HERC4: variants seen among roughly 807,000 people sequenced by gnomAD.
HERC4 encodes HECT and RLD domain containing E3 ubiquitin protein ligase 4.
HERC4 carries 28 observed loss-of-function variants against 124.3 expected under a neutral mutation model. The observed-to-expected ratio is 0.23, with a 90% CI of 0.17 to 0.31. The LOEUF (loss-of-function observed/expected upper bound fraction) is 0.31. Among genes scored for constraint, HERC4 ranks in the 10% least tolerant of loss-of-function variants. The pLI is 1.00. For missense variants in HERC4, 713 were observed against 1,229.3 expected, an observed-to-expected ratio of 0.58 and a Z score of 6.28; for synonymous variants, 407 against 421.5, an observed-to-expected ratio of 0.97 and a Z score of 0.42.
rs367582019 is a variant in HERC4, at chr10:67,992,177, T to G, written c.1271+22A>C. 3.7e-6 allele frequency: 6 copies of G among 1,610,778 alleles called. No individual in the cohort carries two copies. In the South Asian group the frequency reaches 5.5e-5, roughly 15 times the overall value. ...GATTACAGGCATGAGCCACTGTGCC[T>G]GGCCCAAAATGCTTTTCTTACTTGG... On this transcript the variant is annotated intron_variant, in intron 11 of 24. Coordinates refer to ENST00000373700, the MANE Select transcript of HERC4 (RefSeq NM_015601.4).
intron 15 of HERC4, among the ~76,000 whole-genome samples, chr10:67,980,235 A>T (rs2035847387): frequency 1.3e-5 from 2 of 152,134 alleles, no homozygotes; most frequent in South Asian, 4.1e-4. Flanking sequence ...CGGTACTGGC[A>T]TGATTCTCCT....
At chr10:67,973,509 T>C (rs561412438) in intron 15 of HERC4, among the ~76,000 whole-genome samples, 2 of 152,358 alleles carry the variant, frequency 1.3e-5, no homozygotes, top group African/African-American at 4.8e-5. Context: ...CAAAAGTTGA[T>C]ACATGGGGAA....
intron 9 of HERC4, among the ~76,000 whole-genome samples, chr10:68,000,921 T>C (rs971617537): frequency 2.6e-5 from 4 of 152,184 alleles, no homozygotes; most frequent in African/African-American, 9.7e-5. Flanking sequence ...ATTTGTATTG[T>C]TCAAGCCACC....
intron 9 of HERC4, 118 bp downstream of exon 9, chr10:68,013,908 C>T: frequency 6.3e-6 from 5 of 789,458 alleles, no homozygotes; most frequent in South Asian, 6.2e-5. Flanking sequence ...CTATATTTTG[C>T]TGTTTTCACT....
At chr10:68,030,031 C>A (rs544347008) in intron 7 of HERC4, among the ~76,000 whole-genome samples, 1 of 152,078 alleles carries the variant, frequency 6.6e-6, no homozygotes, top group East Asian at 1.9e-4. Context: ...AGCCACTGTG[C>A]CCAGCCATAA....
At chr10:68,019,891 T>C (rs1355284494) in intron 8 of HERC4, among the ~76,000 whole-genome samples, 1 of 152,212 alleles carries the variant, frequency 6.6e-6, no homozygotes, top group African/African-American at 2.4e-5. Flanking sequence ...CAATCACTGT[T>C]GTATACTCTC....
At chr10:67,959,730 T>C (rs535280201) in intron 16 of HERC4, among the ~76,000 whole-genome samples, 2 of 152,148 alleles carry the variant, frequency 1.3e-5, no homozygotes, top group East Asian at 1.9e-4. Flanking sequence ...GAAAAAGGGT[T>C]GGTAAGCAAA....
chr10:67,945,821 T>TA (rs1268982043), intron 19 of HERC4, among the ~76,000 whole-genome samples: 1 of 149,588 alleles, frequency 6.7e-6, no homozygotes, highest in Non-Finnish European at 1.5e-5. Flanking sequence ...TCAAAAAACA[T>TA]ACGACAGATA....
At chr10:68,032,507 T>G (rs886774731) in intron 7 of HERC4, among the ~76,000 whole-genome samples, 7 of 152,212 alleles carry the variant, frequency 4.6e-5, no homozygotes, top group Admixed American at 2.0e-4. Context: ...AGTATGACCT[T>G]AAGCAGTATT....
chr10:67,947,993 C>T (rs2033511894), intron 19 of HERC4, among the ~76,000 whole-genome samples: 1 of 128,986 alleles, frequency 7.8e-6, no homozygotes, highest in East Asian at 5.1e-4. Flanking sequence ...CCAGTCTAAA[C>T]AATACACTCT....
chr10:68,069,111 T>A, intron 3 of HERC4: 10 of 978,186 alleles, frequency 1.0e-5, no homozygotes, highest in Non-Finnish European at 1.2e-5. Flanking sequence ...ATAACCATGG[T>A]CACCAAATTA....
intron 15 of HERC4, among the ~76,000 whole-genome samples, chr10:67,979,274 A>C (rs986520649): frequency 2.6e-5 from 4 of 152,162 alleles, no homozygotes; most frequent in African/African-American, 9.7e-5. Flanking sequence ...AAATTTAACA[A>C]AGAGACTGAA....
intron 10 of HERC4, 46 bp from the exon 11 acceptor site, chr10:67,992,369 T>TAA: frequency 6.3e-7 from 1 of 1,588,080 alleles, no homozygotes; most frequent in African/African-American, 1.4e-5. Flanking sequence ...ATATTATATA[T>TAA]AACTCAAAAA....
chr10:67,979,960 G>A (rs1027329284), intron 15 of HERC4, among the ~76,000 whole-genome samples: 2 of 151,744 alleles, frequency 1.3e-5, no homozygotes, highest in Admixed American at 6.6e-5. Flanking sequence ...AAAAAAACCT[G>A]TCTGAGAAAA....
intron 9 of HERC4, among the ~76,000 whole-genome samples, chr10:68,006,799 GC>G (rs951654746): frequency 6.6e-6 from 1 of 152,142 alleles, no homozygotes. Flanking sequence ...AATATGTCAT[GC>G]CATTCTCTCC....
chr10:68,055,026 G>A (rs566872430), intron 3 of HERC4, among the ~76,000 whole-genome samples: 7 of 152,236 alleles, frequency 4.6e-5, no homozygotes, highest in African/African-American at 1.4e-4. Flanking sequence ...GGGCTCAAGC[G>A]ATTCTCCTGA....
Position 67,966,877 on chromosome 10 carries a change from C to T in HERC4, c.1807-75G>A, listed in dbSNP as rs139052745. ...GACAAATTTTTTTTATTTTTTGAGA[C>T]GGAGTCTCACTCTGTCAACCAGGCT... On this transcript the variant is annotated intron_variant, in intron 15 of 24. Transcript: ENST00000373700. 4.2e-4 allele frequency: 486 copies of T among 1,144,296 alleles called. 2 individuals are homozygous for T. The African/African-American group carries it at 6.5e-3, about 15-fold the overall frequency. 70.9% of individuals were successfully genotyped at this position (1,144,296 alleles called of 1,614,324 possible).
At chr10:68,049,100 C>T (rs900402953) in intron 3 of HERC4, among the ~76,000 whole-genome samples, 2 of 151,344 alleles carry the variant, frequency 1.3e-5, no homozygotes, top group Non-Finnish European at 2.9e-5. Flanking sequence ...TATATATTTG[C>T]AGCACTATAT....
intron 23 of HERC4, among the ~76,000 whole-genome samples, chr10:67,929,483 T>C (rs2031538083): frequency 6.6e-6 from 1 of 152,206 alleles, no homozygotes. Flanking sequence ...TCACTCAGCA[T>C]AAAGCCTCAG....
Sources: gnomAD v4.1 joint callset for allele counts (sites outside exome capture counted in the v4.1 genomes callset) on GRCh38, gnomAD v4.1.1 for gene constraint, MANE v1.5 for transcripts, NCBI Gene and HGNC (gene_info 2026-07-23, HGNC 2026-07-21) for gene names.